ECH1: variants seen among roughly 807,000 people sequenced by gnomAD.
The protein encoded by ECH1 is delta(3,5)-Delta(2,4)-dienoyl-CoA isomerase, mitochondrial.
A neutral mutation model predicts 37.0 loss-of-function variants in ECH1; 30 were observed. The ratio of observed to expected loss-of-function variants is 0.81; its 90% confidence interval spans 0.61 to 1.10. ECH1 has a LOEUF of 1.10. Ranked by LOEUF, ECH1 falls within the 50% of genes least tolerant of loss-of-function variation. The probability of loss-of-function intolerance (pLI) is 0.00; values close to 1 mark genes in which losing one functional copy is unlikely to be tolerated. For missense variants in ECH1, 456 were observed against 441.6 expected, an observed-to-expected ratio of 1.03 and a Z score of -0.29; for synonymous variants, 178 against 176.0, an observed-to-expected ratio of 1.01 and a Z score of -0.09.
intron 3 of ECH1, among the ~76,000 whole-genome samples, chr19:38,828,579 C>A (rs1406838542): frequency 6.6e-6 from 1 of 151,702 alleles, no homozygotes; most frequent in Non-Finnish European, 1.5e-5. Context: ...CCCAAGATGA[C>A]CCAGATGTTG....
At chr19:38,826,896 T>C (rs1971747169) in intron 3 of ECH1, among the ~76,000 whole-genome samples, 1 of 151,990 alleles carries the variant, frequency 6.6e-6, no homozygotes, top group African/African-American at 2.4e-5. Context: ...CTACTCTAGA[T>C]CTCTTGAACT....
chr19:38,829,968 C>T (rs532086666), intron 3 of ECH1, among the ~76,000 whole-genome samples: 14 of 151,912 alleles, frequency 9.2e-5, no homozygotes, highest in Non-Finnish European at 1.9e-4. Flanking sequence ...CCAGCCTGGC[C>T]AACATGGTAA....
At chr19:38,818,359 T>C (rs970020827) in intron 3 of ECH1, 2 of 985,290 alleles carry the variant, frequency 2.0e-6, no homozygotes, top group African/African-American at 3.5e-5. Context: ...ATCTGACCTT[T>C]CCTGCATCAG....
intron 1 of ECH1, 34 bp downstream of exon 1, chr19:38,831,687 G>C: frequency 6.2e-7 from 1 of 1,612,760 alleles, no homozygotes; most frequent in Non-Finnish European, 8.5e-7. Flanking sequence ...GCACGACAGC[G>C]CGACGCACCC....
In ECH1 at chr19:38,815,990, TTGTC is replaced by T; in HGVS notation, c.745_748del (p.Asp249LysfsTer9). On this transcript the variant is annotated frameshift_variant, in exon 9 of 10. Coordinates refer to ENST00000221418, the MANE Select transcript of ECH1 (RefSeq NM_001398.3). LOFTEE classifies it high-confidence loss of function. ...TAAGGCAGCATCCAGCATGACCTCTTTGTCTGGGAACACCCGGCTGCAGTGAAAG... is the reference window on the plus strand; with the variant it reads ...TAAGGCAGCATCCAGCATGACCTCTTTGGGAACACCCGGCTGCAGTGAAAG... 9 of 1,613,462 alleles carry T rather than the reference TTGTC, an allele frequency of 5.6e-6. No individual in the cohort carries two copies. The highest frequency in any genetic ancestry group is 6.8e-6 in the Non-Finnish European group (8 of 1,179,986).
intron 3 of ECH1, among the ~76,000 whole-genome samples, chr19:38,818,934 C>T (rs965061400): frequency 5.3e-5 from 3 of 57,052 alleles, no homozygotes; most frequent in Non-Finnish European, 8.8e-5. Flanking sequence ...TGTGTGTGTG[C>T]ACTGTTCCCA....
In ECH1 at chr19:38,817,095, G is replaced by C. The variant is rs199978570; in HGVS notation, c.558C>G (p.Tyr186Ter). 54 of 1,577,382 alleles carry C rather than the reference G, an allele frequency of 3.4e-5. No individual in the cohort carries two copies. In the East Asian group the frequency reaches 1.2e-3, roughly 35 times the overall value. Residue 186 changes from tyrosine to a stop codon, truncating the protein, a stop_gained, in exon 6 of 10, where the codon TAC (tyrosine) becomes TAG (stop). Coordinates refer to ENST00000221418, the MANE Select transcript of ECH1 (RefSeq NM_001398.3). LOFTEE classifies it high-confidence loss of function. ...VDLVTACDIRYCAQDAFFQVK... is the reference protein window; with the variant it reads ...VDLVTACDIR The stretch of plus-strand genomic sequence containing the variant: ...CCTGGAAGAAAGCATCCTGGGCACA[G>C]TACCGGATGTCACAGGCGGTGACAA...
intron 3 of ECH1, chr19:38,818,410 T>C (rs1349718978): frequency 1.0e-6 from 1 of 985,238 alleles, no homozygotes; most frequent in Non-Finnish European, 1.2e-6. Context: ...TGTTTCCACC[T>C]GTGTCCCCAG....
rs1321526431 is a variant in ECH1, at chr19:38,831,766, C to T, written c.7G>A (p.Ala3Thr). Residue 3 changes from alanine to threonine, a missense_variant, in exon 1 of 10, where the codon GCG becomes ACG. Coordinates refer to ENST00000221418, the MANE Select transcript of ECH1 (RefSeq NM_001398.3). MAAGIVASRRLRD... is the reference protein window; with the variant it reads MATGIVASRRLRD... ...AGTCTGCGAGAAGCCACTATCCCCG[C>T]CGCCATCGCCGCCGCCTTCGTCTAC... 7 of 1,613,308 alleles carry T rather than the reference C, an allele frequency of 4.3e-6. No individual in the cohort carries two copies. The South Asian group carries it at 4.4e-5, about 10-fold the overall frequency.
Position 38,816,003 on chromosome 19 carries a change from C to T in ECH1, c.736G>A (p.Val246Met), listed in dbSNP as rs146638554. The change falls in exon 9 of 10, where the codon GTG (valine) becomes ATG (methionine). Residue 246 changes from valine (V) to methionine (M), a missense_variant. Val to Met is a conservative substitution (Grantham distance 21). Coordinates refer to ENST00000221418, the MANE Select transcript of ECH1 (RefSeq NM_001398.3). ...EALGSGLVSR[V>M]FPDKEVMLDA... Reference sequence around the variant, plus strand: ...AGCATGACCTCTTTGTCTGGGAACACCCGGCTGCAGTGAAAGAGATCAGGG... The same window carrying T: ...AGCATGACCTCTTTGTCTGGGAACATCCGGCTGCAGTGAAAGAGATCAGGG... 3.4e-5 allele frequency: 55 copies of T among 1,613,074 alleles called. No homozygotes were observed. In the African/African-American group the frequency reaches 6.9e-4, roughly 20 times the overall value.
intron 3 of ECH1, among the ~76,000 whole-genome samples, chr19:38,817,958 G>A (rs1376430859): frequency 6.6e-6 from 1 of 152,156 alleles, no homozygotes; most frequent in African/African-American, 2.4e-5. Flanking sequence ...GTCTCACTCT[G>A]TTATACCAGC....
chr19:38,824,086 T>C (rs980289693), intron 3 of ECH1, among the ~76,000 whole-genome samples: 2 of 152,330 alleles, frequency 1.3e-5, no homozygotes, highest in Non-Finnish European at 2.9e-5. Context: ...TTCCTATTCA[T>C]ATAAGTGAGG....
At chr19:38,816,415 G>T in intron 7 of ECH1, 38 bp downstream of exon 7, 1 of 1,613,886 alleles carries the variant, frequency 6.2e-7, no homozygotes, top group Admixed American at 1.7e-5. Flanking sequence ...AGATGCTCTG[G>T]GGTCTCCTGC....
intron 3 of ECH1, chr19:38,819,234 T>C: frequency 1.0e-6 from 1 of 985,316 alleles, no homozygotes; most frequent in Non-Finnish European, 1.2e-6. Context: ...AAGGTGACCT[T>C]GAGTAAAGAC....
In ECH1 at chr19:38,815,686, T is replaced by C; in HGVS notation, c.914A>G (p.Gln305Arg). Residue 305 changes from glutamine to arginine, a missense_variant, in exon 10 of 10, where the codon CAA becomes CGA. Transcript: ENST00000221418. ...ASWNMSMLQT[Q>R]DLVKSVQATT... ...GGCCTGGACCGACTTCACGAGGTCT[T>C]GGGTCTGCAGCATGCTCATGTTCCA... is the stretch of plus-strand genomic sequence containing the variant. 6.2e-7 allele frequency: 1 copy of C among 1,614,138 alleles called. No individual in the cohort carries two copies. The highest frequency in any genetic ancestry group is 8.5e-7 in the Non-Finnish European group (1 of 1,180,028).
chr19:38,826,552 A>C lies in ECH1; in HGVS notation c.349+4526T>G, dbSNP rs529805417. On this transcript the variant is annotated intron_variant, in intron 3 of 9. Coordinates refer to ENST00000221418, the MANE Select transcript of ECH1 (RefSeq NM_001398.3). ...TCTTAGACTCATCAATGAGGCAGTA[A>C]TTTCTCTATATCCAGCTGTAACCAA... is the stretch of plus-strand genomic sequence containing the variant. Among the ~76,000 whole-genome samples, 5 of 152,304 alleles carry C rather than the reference A, an allele frequency of 3.3e-5. No individual in the cohort carries two copies. In the East Asian group the frequency reaches 5.8e-4, roughly 18 times the overall value.
chr19:38,828,638 G>A (rs1971771736), intron 3 of ECH1, among the ~76,000 whole-genome samples: 1 of 148,780 alleles, frequency 6.7e-6, no homozygotes, highest in South Asian at 2.1e-4. Context: ...TGTTTTTAGA[G>A]GGAGTCTCGC....
rs745349008 is a variant in ECH1, at chr19:38,831,506, G to A, written c.63C>T (p.Gly21=). Residue 21 remains glycine (G), a synonymous_variant, in exon 2 of 10, where the codon GGC becomes GGT. Coordinates refer to ENST00000221418, the MANE Select transcript of ECH1 (RefSeq NM_001398.3). ...LRDLLTRRLT[G]SNYPGLSISL... ...TAATACTGAGTCCCGGGTAGTTGGA[G>A]CCTGTCAGTCCTGGGGAGAAAGGAA... 1.9e-6 allele frequency: 3 copies of A among 1,613,694 alleles called. No homozygotes were observed. Among genetic ancestry groups the A allele is most frequent in the Admixed American group, 3.3e-5 (2 of 59,936 alleles).
In ECH1 at chr19:38,815,976, C is replaced by T; in HGVS notation, c.763G>A (p.Asp255Asn). The T allele has an allele frequency of 6.2e-7, 1 of 1,613,910 alleles. No homozygotes were observed. Among genetic ancestry groups the T allele is most frequent in the Non-Finnish European group, 8.5e-7 (1 of 1,180,028 alleles). ...RVFPDKEVML[D>N]AALALAAEIS... ...TCGGCCGCCAGCGCTAAGGCAGCAT[C>T]CAGCATGACCTCTTTGTCTGGGAAC... Residue 255 changes from aspartate to asparagine, a missense_variant, in exon 9 of 10, where the codon GAT (aspartate) becomes AAT (asparagine). By Grantham distance (23) the Asp-to-Asn change is conservative. Transcript: ENST00000221418.
Sources: gnomAD v4.1 joint callset for allele counts (sites outside exome capture counted in the v4.1 genomes callset) on GRCh38, gnomAD v4.1.1 for gene constraint, MANE v1.5 for transcripts, NCBI Gene and HGNC (gene_info 2026-07-23, HGNC 2026-07-21) for gene names.